CWF19L1: variants seen among roughly 807,000 people sequenced by gnomAD.
CWF19L1 encodes the protein CWF19-like protein 1.
Under a neutral mutation model 69.7 loss-of-function variants are expected in CWF19L1, and 60 were observed. The ratio of observed to expected loss-of-function variants is 0.86; its 90% CI spans 0.70 to 1.07. The LOEUF is 1.07. Among genes scored for constraint, CWF19L1 ranks in the 50% least tolerant of loss-of-function variants. The pLI is 0.00. For missense variants in CWF19L1, 591 were observed against 638.9 expected, an observed-to-expected ratio of 0.92 and a Z score of 0.81; for synonymous variants, 209 against 222.2, an observed-to-expected ratio of 0.94 and a Z score of 0.53.
At chr10:100,233,428 A>G in intron 13 of CWF19L1, 57 bp from the exon 14 acceptor site, 2 of 1,565,638 alleles carry the variant, frequency 1.3e-6, no homozygotes, top group Admixed American at 1.8e-5. Flanking sequence ...GCTCTCCTCA[A>G]CATCACCCAA....
intron 5 of CWF19L1, chr10:100,254,341 A>G (rs908735471): frequency 6.6e-6 from 1 of 152,192 alleles, no homozygotes; most frequent in Non-Finnish European, 1.5e-5. Context: ...TGCTTCAGTC[A>G]AGGAAGTGGC....
intron 4 of CWF19L1, 27 bp downstream of exon 4, chr10:100,260,191 A>C (rs748011868): frequency 9.3e-6 from 14 of 1,498,744 alleles, no homozygotes; most frequent in South Asian, 1.2e-5. Context: ...AAAAAACAAA[A>C]AAAAAATACA....
chr10:100,254,951 C>G (rs914294073), intron 5 of CWF19L1, among the ~76,000 whole-genome samples: 1 of 152,132 alleles, frequency 6.6e-6, no homozygotes, highest in Non-Finnish European at 1.5e-5. Context: ...TCCTGTTGGC[C>G]TTTTTGGTCA....
intron 10 of CWF19L1, among the ~76,000 whole-genome samples, chr10:100,242,967 C>T (rs1428957239): frequency 1.3e-5 from 2 of 152,150 alleles, no homozygotes; most frequent in African/African-American, 4.8e-5. Context: ...ATTGCTATAA[C>T]AAATGTTGAC....
Position 100,261,963 on chromosome 10 carries a change from A to G in CWF19L1, c.108+16T>C. ...TACAAAGGTAAAATTAAATTCAGTA[A>G]AAACAAACATCTTACATCAAAGTTT... On this transcript the variant is annotated intron_variant, in intron 2 of 13. Transcript: ENST00000354105. 6.3e-7 allele frequency: 1 copy of G among 1,587,374 alleles called. No homozygotes were observed. Among genetic ancestry groups the G allele is most frequent in the Non-Finnish European group, 8.5e-7 (1 of 1,170,768 alleles).
intron 7 of CWF19L1, among the ~76,000 whole-genome samples, chr10:100,247,639 A>T (rs1393428475): frequency 6.6e-6 from 1 of 152,244 alleles, no homozygotes; most frequent in Admixed American, 6.5e-5. Context: ...TCATGCCTGC[A>T]ATCCCAGCAC....
At chr10:100,235,820 C>T (rs1436902396) in intron 12 of CWF19L1, 56 bp from the exon 13 acceptor site, 1 of 1,208,214 alleles carries the variant, frequency 8.3e-7, no homozygotes. Context: ...AATCTATAAT[C>T]TGAGTTCATC....
At chr10:100,248,984 C>A (rs116839007) in intron 7 of CWF19L1, 2 of 680,924 alleles carry the variant, frequency 2.9e-6, no homozygotes. Context: ...AAGCTGGAAG[C>A]TGTGGAGGAC....
chr10:100,241,759 T>C (rs1478724717), intron 10 of CWF19L1, among the ~76,000 whole-genome samples: 1 of 152,202 alleles, frequency 6.6e-6, no homozygotes, highest in Non-Finnish European at 1.5e-5. Context: ...AAAGGGGACC[T>C]GAACTCACTT....
At chr10:100,247,046 T>A in intron 7 of CWF19L1, 111 bp from the exon 8 acceptor site, 1 of 1,019,200 alleles carries the variant, frequency 9.8e-7, no homozygotes, top group East Asian at 2.7e-5. Flanking sequence ...TCAGTAAAAT[T>A]AAAAGAACAG....
At chr10:100,261,896 A>G (rs916556940) in intron 2 of CWF19L1, 83 bp downstream of exon 2, 6 of 1,207,074 alleles carry the variant, frequency 5.0e-6, no homozygotes, top group Non-Finnish European at 6.9e-6. Context: ...TATGTGTTCA[A>G]TCAAGACTTA....
At chr10:100,245,249 C>G (rs1228465934) in intron 9 of CWF19L1, among the ~76,000 whole-genome samples, 1 of 152,026 alleles carries the variant, frequency 6.6e-6, no homozygotes, top group Admixed American at 6.6e-5. Flanking sequence ...TCTCAAAATT[C>G]TGAACTTGTG....
In CWF19L1 at chr10:100,258,577, A is replaced by G. The variant is rs1263125268; in HGVS notation, c.289+1641T>C. The G allele has an allele frequency of 2.0e-5, 3 of 152,220 alleles. No individual in the cohort carries two copies. In the East Asian group the frequency reaches 5.8e-4, roughly 29 times the overall value. 9.4% of individuals were successfully genotyped at this position (152,220 alleles called of 1,614,324 possible). A position where few individuals can be genotyped will look rare whatever the true frequency, so the allele number is the denominator to read the frequency against. ...GTGTAGTTAAAACTAAACAGTGCTC[A>G]CTTCAGCAGCACATATACTAAAACT... On this transcript the variant is annotated intron_variant, in intron 4 of 13. Coordinates refer to ENST00000354105, the MANE Select transcript of CWF19L1 (RefSeq NM_018294.6).
At position 100,262,372 on chromosome 10, in the gene CWF19L1, G is replaced by A. The variant is rs1847434715; in HGVS notation, c.24-309C>T. ...ACAAAAGTCAAAAATCCCCCATCCA[G>A]TCACCAAGTCCCATCAATCCCTTTT... On this transcript the variant is annotated intron_variant, in intron 1 of 13. Transcript: ENST00000354105. The A allele has an allele frequency of 4.1e-6, 4 of 985,228 alleles. No homozygotes were observed. The African/African-American group carries it at 5.2e-5, about 13-fold the overall frequency. 61.0% of individuals were successfully genotyped at this position (985,228 alleles called of 1,614,324 possible).
Position 100,243,723 on chromosome 10 carries a change from T to C in CWF19L1, c.1019A>G (p.His340Arg). Reference sequence around the variant, plus strand: ...ATGTGTGCCGATGTTGACCACCAAATGTTTTTCCACTTCAGGGCTAGCAAG... The same window carrying C: ...ATGTGTGCCGATGTTGACCACCAAACGTTTTTCCACTTCAGGGCTAGCAAG... Reference protein sequence around the residue: ...FCLASPEVEKHLVVNIGTHCY... With the variant: ...FCLASPEVEKRLVVNIGTHCY... Residue 340 changes from histidine (H) to arginine (R), a missense_variant, in exon 10 of 14, where the codon CAT (histidine) becomes CGT (arginine). Physicochemically the swap from His to Arg is conservative, Grantham distance 29 (BLOSUM62 0). Transcript: ENST00000354105. 1 of 1,614,190 alleles carries C rather than the reference T, an allele frequency of 6.2e-7. No individual in the cohort carries two copies. Among genetic ancestry groups the C allele is most frequent in the South Asian group, 1.1e-5 (1 of 91,088 alleles).
At chr10:100,246,971 A>G in intron 7 of CWF19L1, 36 bp from the exon 8 acceptor site, 1 of 1,549,676 alleles carries the variant, frequency 6.5e-7, no homozygotes, top group Non-Finnish European at 8.8e-7. Context: ...ATTAGGGGAA[A>G]TACTATTTAC....
At position 100,236,895 on chromosome 10, in the gene CWF19L1, C is replaced by T. The variant is rs767141365; in HGVS notation, c.1329G>A (p.Gln443=). ...CTGGGATTTCCAACAGCTCTATCTG[C>T]TGCTCCTGTGCCTGGGTAATGAAGG... ...KDAFITQAQE[Q]QIELLEIPEH... Residue 443 remains glutamine, a synonymous_variant, in exon 12 of 14, where the codon CAG becomes CAA. Transcript: ENST00000354105. 2 of 1,612,352 alleles carry T rather than the reference C, an allele frequency of 1.2e-6. No individual in the cohort carries two copies. Among genetic ancestry groups the T allele is most frequent in the South Asian group, 2.2e-5 (2 of 90,822 alleles).
rs1427513117 is a variant in CWF19L1 at position 100,232,653 on chromosome 10, T to G, written c.*574A>C. Reference sequence around the variant, plus strand: ...GTCTCAAACTCCTCACCTCAGGTGATCCACCTGCCTCGGCTTCCCAAAGTA... The same window carrying G: ...GTCTCAAACTCCTCACCTCAGGTGAGCCACCTGCCTCGGCTTCCCAAAGTA... On this transcript the variant is annotated 3_prime_UTR_variant, in exon 14 of 14. Coordinates refer to ENST00000354105, the MANE Select transcript of CWF19L1 (RefSeq NM_018294.6). 2 of 152,304 alleles carry G rather than the reference T, an allele frequency of 1.3e-5. No individual in the cohort carries two copies. Among genetic ancestry groups the G allele is most frequent in the African/African-American group, 4.8e-5 (2 of 41,438 alleles). The allele number at this position is 152,304 out of a possible 1,614,324, so 9.4% of individuals were successfully genotyped here.
At chr10:100,238,623 C>T (rs959483715) in intron 10 of CWF19L1, among the ~76,000 whole-genome samples, 9 of 152,218 alleles carry the variant, frequency 5.9e-5, no homozygotes, top group African/African-American at 2.2e-4. Context: ...AAAGATACAA[C>T]TTCTGATTTC....
Sources: gnomAD v4.1 joint callset for allele counts (sites outside exome capture counted in the v4.1 genomes callset) on GRCh38, gnomAD v4.1.1 for gene constraint, MANE v1.5 for transcripts, NCBI Gene and HGNC (gene_info 2026-07-23, HGNC 2026-07-21) for gene names.